The following ABLIM1 variants were observed in gnomAD, a reference collection of about 807,000 sequenced individuals.
ABLIM1 encodes the protein actin-binding LIM protein 1.
In ABLIM1, 40 loss-of-function variants were observed where a neutral mutation model predicts 107.0. The ratio of observed to expected loss-of-function variants is 0.37; its 90% confidence interval spans 0.29 to 0.49. The LOEUF (loss-of-function observed/expected upper bound fraction) is 0.49, where lower values mean the gene tolerates loss of function less well. Among genes scored for constraint, ABLIM1 ranks in the 20% least tolerant of loss-of-function variants. The pLI, the probability that ABLIM1 is intolerant of heterozygous loss-of-function variation, is 0.97. For synonymous variants in ABLIM1, 357 were observed against 357.3 expected, an observed-to-expected ratio of 1.00 and a Z score of 0.01; for missense variants, 857 against 1,008.5, an observed-to-expected ratio of 0.85 and a Z score of 2.04.
rs559484893 is a variant in ABLIM1, at chr10:114,716,150, A to G, written c.-213+51911T>C. On this transcript the variant is annotated intron_variant, in intron 1 of 15. Coordinates refer to the ABLIM1 transcript ENST00000651092. ...AAACACACTTTCCACCCATCCCAAGAGCTGACATTATATGTCTCAGACAAT... is the reference window on the plus strand; with the variant it reads ...AAACACACTTTCCACCCATCCCAAGGGCTGACATTATATGTCTCAGACAAT... Among the ~76,000 whole-genome samples the G allele has an allele frequency of 2.2e-4, 34 of 152,322 alleles. 1 individual carries two copies. Among genetic ancestry groups the G allele is most frequent in the Admixed American group, 2.2e-3 (33 of 15,294 alleles).
chr10:114,704,019 C>G (rs1266645415), intron 1 of ABLIM1, among the ~76,000 whole-genome samples: 2 of 152,020 alleles, frequency 1.3e-5, no homozygotes, highest in African/African-American at 4.8e-5. Context: ...CTGACATGCC[C>G]AGGAGTGCCA....
upstream of ABLIM1, among the ~76,000 whole-genome samples, chr10:114,769,403 A>T (rs2082981034): frequency 7.6e-6 from 1 of 131,368 alleles, no homozygotes; most frequent in African/African-American, 3.0e-5. Flanking sequence ...GAAAGAAAAG[A>T]AAGAAAGAAA....
intron 1 of ABLIM1, among the ~76,000 whole-genome samples, chr10:114,635,548 G>A (rs1451036443): frequency 6.6e-6 from 1 of 152,138 alleles, no homozygotes; most frequent in Non-Finnish European, 1.5e-5. Flanking sequence ...GTTTTGAGAC[G>A]GAGTCTCACT....
At chr10:114,632,706 AT>A (rs1178484241) in intron 1 of ABLIM1, 1 of 985,170 alleles carries the variant, frequency 1.0e-6, no homozygotes, top group East Asian at 1.1e-4. Flanking sequence ...TTAAAATCTG[AT>A]TTATCCATGT....
At chr10:114,569,617 C>G (rs1374773207) in intron 4 of ABLIM1, among the ~76,000 whole-genome samples, 1 of 152,174 alleles carries the variant, frequency 6.6e-6, no homozygotes, top group Non-Finnish European at 1.5e-5. Flanking sequence ...CTTAACTGGA[C>G]AAGAATTCCT....
At chr10:114,741,935 T>C (rs2082296998) in intron 1 of ABLIM1, among the ~76,000 whole-genome samples, 1 of 152,222 alleles carries the variant, frequency 6.6e-6, no homozygotes, top group Non-Finnish European at 1.5e-5. Flanking sequence ...TATGCAGTCA[T>C]AAAAAGCATC....
rs541972123 is a variant in ABLIM1 at position 114,564,407 on chromosome 10, G to A, written c.673+6890C>T. Among the ~76,000 whole-genome samples the A allele has an allele frequency of 1.9e-3, 283 of 151,698 alleles. 1 individual carries two copies. Among genetic ancestry groups the A allele is most frequent in the Non-Finnish European group, 3.1e-3 (208 of 67,956 alleles). ...AGCCTCCCGAGTAGCTGGGACTACC[G>A]GCGCGTGCAAGAACACCTAGCTAAT... On this transcript the variant is annotated intron_variant, in intron 4 of 22. Transcript: ENST00000533213.
In ABLIM1 at chr10:114,432,682, A is replaced by T. The variant is rs1246876363; in HGVS notation, c.*3578T>A. The T allele has an allele frequency of 1.3e-5, 2 of 152,218 alleles. No individual in the cohort carries two copies. The highest frequency in any genetic ancestry group is 2.9e-5 in the Non-Finnish European group (2 of 68,052). The allele number at this position is 152,218 out of a possible 1,614,324, so 9.4% of individuals were successfully genotyped here. A position where few individuals can be genotyped will look rare whatever the true frequency, so the allele number is the denominator to read the frequency against. On this transcript the variant is annotated 3_prime_UTR_variant, in exon 23 of 23. Coordinates refer to ENST00000533213, the MANE Select transcript of ABLIM1 (RefSeq NM_002313.7). ...ATTGGGATGGAGAGGATGAGAACTG[A>T]AAAAGAACTGCTCCAGCCTCTGCCT...
chr10:114,669,202 T>C (rs2080150163), intron 1 of ABLIM1, among the ~76,000 whole-genome samples: 1 of 151,666 alleles, frequency 6.6e-6, no homozygotes. Flanking sequence ...CAGCAGTACT[T>C]CCTAGCATCC....
At chr10:114,460,717 G>A (rs557854153) in intron 12 of ABLIM1, among the ~76,000 whole-genome samples, 1 of 152,326 alleles carries the variant, frequency 6.6e-6, no homozygotes, top group Middle Eastern at 3.4e-3. Context: ...TTATAGAGGA[G>A]TCAAGTGACA....
At chr10:114,702,257 C>T (rs2081320848) in intron 1 of ABLIM1, among the ~76,000 whole-genome samples, 1 of 151,862 alleles carries the variant, frequency 6.6e-6, no homozygotes, top group East Asian at 1.9e-4. Context: ...TTGCTAATAA[C>T]GAAAAAGACA....
At chr10:114,476,124 A>G (rs757650260) in intron 8 of ABLIM1, among the ~76,000 whole-genome samples, 2 of 152,188 alleles carry the variant, frequency 1.3e-5, no homozygotes, top group Non-Finnish European at 2.9e-5. Context: ...TTTTCAGCCA[A>G]TGCCCCTGGT....
At chr10:114,720,083 C>T (rs1484755242) in intron 1 of ABLIM1, among the ~76,000 whole-genome samples, 1 of 152,126 alleles carries the variant, frequency 6.6e-6, no homozygotes, top group Non-Finnish European at 1.5e-5. Flanking sequence ...TCCCTGTGCT[C>T]TCATTTTTCA....
At chr10:114,520,412 T>C (rs2063551770) in intron 6 of ABLIM1, among the ~76,000 whole-genome samples, 1 of 151,970 alleles carries the variant, frequency 6.6e-6, no homozygotes, top group Non-Finnish European at 1.5e-5. Context: ...TCCTAGTCTT[T>C]TCTGCTTGAA....
chr10:114,747,516 G>A (rs1056237192), intron 1 of ABLIM1, among the ~76,000 whole-genome samples: 1 of 152,196 alleles, frequency 6.6e-6, no homozygotes, highest in Non-Finnish European at 1.5e-5. Flanking sequence ...GCTAATTCCA[G>A]AGGCAATGGG....
At position 114,578,671 on chromosome 10, in the gene ABLIM1, G is replaced by T. The variant is rs141133878; in HGVS notation, c.380-3072C>A. ...TCTGCCCAACTCGGCCTCCCAAAATGCTGGGATTACAGGTATCAGCCACCA... is the reference window on the plus strand; with the variant it reads ...TCTGCCCAACTCGGCCTCCCAAAATTCTGGGATTACAGGTATCAGCCACCA... On this transcript the variant is annotated intron_variant, in intron 2 of 22. Transcript: ENST00000533213. 3.2e-4 allele frequency among the ~76,000 whole-genome samples: 48 copies of T among 151,546 alleles called. No individual in the cohort carries two copies. The East Asian group carries it at 8.8e-3, about 28-fold the overall frequency.
At chr10:114,624,094 AAC>A (rs1331737955) in intron 1 of ABLIM1, among the ~76,000 whole-genome samples, 1 of 152,240 alleles carries the variant, frequency 6.6e-6, no homozygotes, top group Non-Finnish European at 1.5e-5. Flanking sequence ...CCATCAGACA[AAC>A]ACACAATGAA....
intron 1 of ABLIM1, chr10:114,767,994 C>G: frequency 2.4e-6 from 1 of 416,512 alleles, no homozygotes; most frequent in South Asian, 1.6e-5. Context: ...GTCGCAGCCC[C>G]CCCGCCCTCC....
chr10:114,682,674 G>A (rs963064554), intron 1 of ABLIM1, among the ~76,000 whole-genome samples: 6 of 152,048 alleles, frequency 3.9e-5, no homozygotes, highest in East Asian at 3.9e-4. Context: ...CTAGAGATAC[G>A]GTTTCTGTAG....
Sources: gnomAD v4.1 joint callset for allele counts (sites outside exome capture counted in the v4.1 genomes callset) on GRCh38, gnomAD v4.1.1 for gene constraint, MANE v1.5 for transcripts, NCBI Gene and HGNC (gene_info 2026-07-23, HGNC 2026-07-21) for gene names.